The following SOHLH2 variants were observed in gnomAD, a reference collection of about 807,000 sequenced individuals.
The protein encoded by SOHLH2 is spermatogenesis- and oogenesis-specific basic helix-loop-helix-containing protein 2.
A neutral mutation model predicts 50.4 loss-of-function variants in SOHLH2; 22 were observed. That is an observed-to-expected ratio of 0.44 (90% CI 0.31 to 0.62). SOHLH2 has a LOEUF of 0.62. SOHLH2 is among the 20% of genes least tolerant of loss of function. The pLI is 0.08. For missense variants in SOHLH2, 412 were observed against 504.4 expected (o/e 0.82, Z 1.76); for synonymous variants, 185 against 187.3 (o/e 0.99, Z 0.10).
intron 6 of SOHLH2, among the ~76,000 whole-genome samples, chr13:36,184,529 G>A (rs1382111816): frequency 2.8e-5 from 4 of 143,196 alleles, no homozygotes; most frequent in East Asian, 2.0e-4. Flanking sequence ...GCGCTATCTC[G>A]GCTCACTGCA....
intron 2 of SOHLH2, among the ~76,000 whole-genome samples, chr13:36,195,882 GAGAAACTC>G (rs1887708912): frequency 6.6e-6 from 1 of 152,058 alleles, no homozygotes; most frequent in African/African-American, 2.4e-5. Flanking sequence ...ATGAGGAAAT[GAGAAACTC>G]AGAATATTAT....
intron 2 of SOHLH2, among the ~76,000 whole-genome samples, chr13:36,197,939 T>A (rs1443671489): frequency 6.6e-6 from 1 of 152,220 alleles, no homozygotes; most frequent in Non-Finnish European, 1.5e-5. Context: ...TTGCTGTTAC[T>A]GTGTTTATTG....
At chr13:36,201,773 A>G (rs955462734) in intron 2 of SOHLH2, 106 bp downstream of exon 2, 2 of 1,461,626 alleles carry the variant, frequency 1.4e-6, no homozygotes, top group Non-Finnish European at 1.8e-6. Flanking sequence ...TGGCCCCTCA[A>G]TTTGAAAAGT....
chr13:36,170,496 G>A, intron 10 of SOHLH2, 35 bp downstream of exon 10: 2 of 1,602,824 alleles, frequency 1.2e-6, no homozygotes, highest in Non-Finnish European at 1.7e-6. Context: ...GGAGTGAAAG[G>A]GTCCAATCTG....
intron 2 of SOHLH2, among the ~76,000 whole-genome samples, chr13:36,197,988 T>C (rs1481633840): frequency 6.6e-6 from 1 of 152,212 alleles, no homozygotes; most frequent in Non-Finnish European, 1.5e-5. Flanking sequence ...AACTACCTAG[T>C]AAGATTTAAT....
chr13:36,174,356 C>T, intron 8 of SOHLH2, 120 bp downstream of exon 8: 1 of 1,323,456 alleles, frequency 7.6e-7, no homozygotes. Flanking sequence ...GAAAAGTTCG[C>T]TGACCCTTAA....
chr13:36,177,781 G>C (rs1209671886), intron 6 of SOHLH2, among the ~76,000 whole-genome samples: 2 of 151,870 alleles, frequency 1.3e-5, no homozygotes, highest in African/African-American at 2.4e-5. Context: ...TTATTTTTTA[G>C]TTTTAGCAAT....
intron 1 of SOHLH2, among the ~76,000 whole-genome samples, chr13:36,208,526 C>T (rs1214738253): frequency 1.3e-5 from 2 of 152,176 alleles, no homozygotes; most frequent in African/African-American, 4.8e-5. Flanking sequence ...TCTACAGCCT[C>T]TCTCCAAACA....
intron 2 of SOHLH2, among the ~76,000 whole-genome samples, chr13:36,201,176 GAGACACCT>G (rs1252078298): frequency 6.6e-6 from 1 of 152,018 alleles, no homozygotes; most frequent in African/African-American, 2.4e-5. Flanking sequence ...ATGGCTCCAG[GAGACACCT>G]CAGTCCCCAG....
At chr13:36,207,371 C>T (rs1868838908) in intron 1 of SOHLH2, among the ~76,000 whole-genome samples, 1 of 151,766 alleles carries the variant, frequency 6.6e-6, no homozygotes, top group African/African-American at 2.4e-5. Context: ...TCCTGTTGTT[C>T]CTATAATGCT....
chr13:36,183,105 A>G (rs1052436630), intron 6 of SOHLH2: 6 of 322,606 alleles, frequency 1.9e-5, no homozygotes, highest in Admixed American at 8.1e-5. Context: ...TCCTCTTGCT[A>G]TGTGACACAT....
Position 36,173,820 on chromosome 13 carries a change from A to G in SOHLH2, c.882-10T>C, listed in dbSNP as rs905808547. 8 of 1,613,746 alleles carry G rather than the reference A, an allele frequency of 5.0e-6. No individual in the cohort carries two copies. The highest frequency in any genetic ancestry group is 5.9e-6 in the Non-Finnish European group (7 of 1,179,934). ...CATCACACTGTTTTCCCTTGAAAGG[A>G]CAGAAAAAATTATTTGCACATTTTT... On this transcript the variant is annotated splice_polypyrimidine_tract_variant and intron_variant, in intron 8 of 10. Transcript: ENST00000379881.
intron 1 of SOHLH2, among the ~76,000 whole-genome samples, 176 bp downstream of exon 1, chr13:36,214,303 G>A (rs891886382): frequency 6.6e-6 from 1 of 152,002 alleles, no homozygotes; most frequent in Admixed American, 6.5e-5. Context: ...CCAGCTCGGG[G>A]CGCCGGGGGA....
intron 1 of SOHLH2, among the ~76,000 whole-genome samples, chr13:36,213,967 G>A (rs1869275654): frequency 6.6e-6 from 1 of 151,504 alleles, no homozygotes; most frequent in Non-Finnish European, 1.5e-5. Context: ...CTACTAAATT[G>A]TGTTTCTAGG....
At chr13:36,173,654 T>C in intron 9 of SOHLH2, 38 bp downstream of exon 9, 1 of 1,610,078 alleles carries the variant, frequency 6.2e-7, no homozygotes. Context: ...GCAGGGCAGG[T>C]CCCCCTCTAA....
intron 6 of SOHLH2, chr13:36,181,938 C>T: frequency 2.8e-6 from 2 of 710,098 alleles, no homozygotes; most frequent in Non-Finnish European, 3.5e-6. Context: ...GAAATAATAT[C>T]TGATGGAAAT....
Position 36,168,976 on chromosome 13 carries a change from T to A in SOHLH2, c.*58A>T. Reference sequence around the variant, plus strand: ...AAATCATTCTTTGTTCCACTTTTCCTAGATTGTCAAACTGCGCCCAGTAGG... The same window carrying A: ...AAATCATTCTTTGTTCCACTTTTCCAAGATTGTCAAACTGCGCCCAGTAGG... On this transcript the variant is annotated 3_prime_UTR_variant, in exon 11 of 11. Transcript: ENST00000379881. 6.3e-7 allele frequency: 1 copy of A among 1,576,840 alleles called. No homozygotes were observed. Among genetic ancestry groups the A allele is most frequent in the Non-Finnish European group, 8.6e-7 (1 of 1,165,602 alleles).
At position 36,191,833 on chromosome 13, in the gene SOHLH2, G is replaced by T. The variant is rs9602419; in HGVS notation, c.492C>A (p.Ser164Arg). The T allele has an allele frequency of 6.2e-7, 1 of 1,613,890 alleles. No homozygotes were observed. Among genetic ancestry groups the T allele is most frequent in the Non-Finnish European group, 8.5e-7 (1 of 1,179,870 alleles). ...CAGTAGGAAAATATCCCAGGTGTTCGCTGTAGGACCTCTGCAGGGGCAATC... is the reference window on the plus strand; with the variant it reads ...CAGTAGGAAAATATCCCAGGTGTTCTCTGTAGGACCTCTGCAGGGGCAATC... Reference protein sequence around the residue: ...ELGLPLQRSYSEHLGYFPTDL... With the variant: ...ELGLPLQRSYREHLGYFPTDL... The change falls in exon 5 of 11, where the codon AGC becomes AGA. Residue 164 changes from serine (S) to arginine (R), a missense_variant. Transcript: ENST00000379881.
intron 6 of SOHLH2, among the ~76,000 whole-genome samples, chr13:36,175,177 C>T (rs1024905319): frequency 4.6e-5 from 7 of 152,222 alleles, no homozygotes; most frequent in East Asian, 3.9e-4. Context: ...GCCCAGTCAC[C>T]GAGGAAAGCA....
Sources: allele counts gnomAD v4.1 joint callset (sites outside exome capture counted in the v4.1 genomes callset), GRCh38; gene constraint gnomAD v4.1.1; transcripts MANE v1.5; gene names NCBI Gene and HGNC (gene_info 2026-07-23, HGNC 2026-07-21).